TSPAN15: variants seen among roughly 807,000 people sequenced by gnomAD.
TSPAN15 encodes tetraspanin 15.
In TSPAN15, 20 loss-of-function variants were observed where a neutral mutation model predicts 34.5. The observed-to-expected ratio is 0.58, with a 90% confidence interval of 0.41 to 0.84. TSPAN15 has a LOEUF of 0.84. Among genes scored for constraint, TSPAN15 ranks in the 40% least tolerant of loss-of-function variants. The pLI, the probability that TSPAN15 is intolerant of heterozygous loss-of-function variation, is 0.00. For missense variants in TSPAN15, 313 were observed against 386.1 expected, an observed-to-expected ratio of 0.81 and a Z score of 1.59; for synonymous variants, 155 against 153.9, an observed-to-expected ratio of 1.01 and a Z score of -0.05.
rs1470186175 is a variant in TSPAN15, at chr10:69,485,289, G to T, written c.357+74G>T. The T allele has an allele frequency of 5.5e-6, 7 of 1,270,246 alleles. No individual in the cohort carries two copies. The Middle Eastern group carries it at 9.6e-4, about 174-fold the overall frequency. 78.7% of individuals were successfully genotyped at this position (1,270,246 alleles called of 1,614,324 possible). A position where few individuals can be genotyped will look rare whatever the true frequency, so the allele number is the denominator to read the frequency against. On this transcript the variant is annotated intron_variant, in intron 3 of 7. Transcript: ENST00000373290. ...TGTGGGTGCCTTGGGCTAACTGGGG[G>T]TATGGCAGTGAGCAGGGCAGATAAC... is the stretch of plus-strand genomic sequence containing the variant.
chr10:69,509,913 C>T (rs1564619899), downstream of TSPAN15, among the ~76,000 whole-genome samples: 1 of 152,020 alleles, frequency 6.6e-6, no homozygotes, highest in African/African-American at 2.4e-5. Flanking sequence ...ATTTCTGAGG[C>T]CTCTGTTCTG....
chr10:69,496,327 A>AATAATAATAATG (rs1491118300), intron 4 of TSPAN15, among the ~76,000 whole-genome samples: 5 of 50,798 alleles, frequency 9.8e-5, no homozygotes, highest in African/African-American at 3.9e-4. Flanking sequence ...GTGCAATAAT[A>AATAATAATAATG]ATAATAATAA....
At chr10:69,466,478 A>G (rs779651354) in intron 1 of TSPAN15, among the ~76,000 whole-genome samples, 4 of 152,196 alleles carry the variant, frequency 2.6e-5, no homozygotes, top group African/African-American at 4.8e-5. Flanking sequence ...TGTGATGTGT[A>G]TTAAAAAAAT....
At chr10:69,493,862 ACCT>A (rs1240432698) in intron 3 of TSPAN15, among the ~76,000 whole-genome samples, 2 of 147,660 alleles carry the variant, frequency 1.4e-5, no homozygotes, top group Non-Finnish European at 3.0e-5. Flanking sequence ...TGATCTGCCC[ACCT>A]CGGCCTCCCA....
chr10:69,476,902 G>T (rs1217759310), intron 1 of TSPAN15, among the ~76,000 whole-genome samples: 1 of 152,116 alleles, frequency 6.6e-6, no homozygotes, highest in African/African-American at 2.4e-5. Context: ...GGTCCTGGAG[G>T]TGGGGCCGGT....
the TSPAN15 span, among the ~76,000 whole-genome samples, chr10:69,525,320 TAAAGA>T: frequency 6.8e-6 from 1 of 147,642 alleles, no homozygotes; most frequent in South Asian, 2.1e-4. Flanking sequence ...AACTCTTCAC[TAAAGA>T]AAATATATAG....
chr10:69,537,403 A>G, the TSPAN15 span, among the ~76,000 whole-genome samples: 2 of 152,208 alleles, frequency 1.3e-5, no homozygotes, highest in Non-Finnish European at 2.9e-5. Context: ...TAAGTCAGGT[A>G]CCATCTGTGC....
At chr10:69,474,553 TA>T (rs945108598) in intron 1 of TSPAN15, among the ~76,000 whole-genome samples, 6 of 151,958 alleles carry the variant, frequency 3.9e-5, no homozygotes, top group African/African-American at 1.5e-4. Flanking sequence ...TGGTGGCCTA[TA>T]GTTACGAGTG....
At chr10:69,468,219 G>A (rs1031123142) in intron 1 of TSPAN15, among the ~76,000 whole-genome samples, 6 of 152,040 alleles carry the variant, frequency 3.9e-5, no homozygotes, top group Non-Finnish European at 8.8e-5. Flanking sequence ...CACACACTGG[G>A]CCCTGTGTCA....
the TSPAN15 span, among the ~76,000 whole-genome samples, chr10:69,525,937 A>T: frequency 6.8e-6 from 1 of 147,618 alleles, no homozygotes. Context: ...AAAAGGAATA[A>T]AATAGACAAG....
Position 69,451,704 on chromosome 10 carries a change from G to A in TSPAN15, c.96+14G>A, listed in dbSNP as rs1328008414. The A allele has an allele frequency of 1.4e-6, 2 of 1,468,872 alleles. No homozygotes were observed. The highest frequency in any genetic ancestry group is 1.8e-6 in the Non-Finnish European group (2 of 1,102,606). 91.0% of individuals were successfully genotyped at this position (1,468,872 alleles called of 1,614,324 possible). On this transcript the variant is annotated intron_variant, in intron 1 of 7. Coordinates refer to ENST00000373290, the MANE Select transcript of TSPAN15 (RefSeq NM_012339.5). ...ACCGTGTTCTGGGTGAGTGACCCCA[G>A]TAGGGCCCGGGGATGGGGGTGGGGA...
At chr10:69,479,449 G>A (rs1841685263) in intron 1 of TSPAN15, among the ~76,000 whole-genome samples, 1 of 152,254 alleles carries the variant, frequency 6.6e-6, no homozygotes, top group Non-Finnish European at 1.5e-5. Flanking sequence ...CAAAGCCTGG[G>A]CTTTTGGGCT....
chr10:69,529,392 A>G, the TSPAN15 span, among the ~76,000 whole-genome samples: 20 of 145,740 alleles, frequency 1.4e-4, 1 homozygote, highest in Non-Finnish European at 2.6e-4. Context: ...ATTGCGCAGT[A>G]CATTTTAAAT....
At chr10:69,539,496 GAAGAAGAA>G in the TSPAN15 span, among the ~76,000 whole-genome samples, 6 of 73,110 alleles carry the variant, frequency 8.2e-5, no homozygotes, top group South Asian at 4.7e-4. Context: ...AGAAGAAGAA[GAAGAAGAA>G]GAAGAAGAAG....
At chr10:69,488,529 C>G (rs1294075685) in intron 3 of TSPAN15, among the ~76,000 whole-genome samples, 1 of 152,120 alleles carries the variant, frequency 6.6e-6, no homozygotes, top group Non-Finnish European at 1.5e-5. Context: ...AACCCACCCC[C>G]AATATTTCAC....
At position 69,483,885 on chromosome 10, in the gene TSPAN15, A is replaced by C; in HGVS notation, c.282+9A>C. 6.2e-7 allele frequency: 1 copy of C among 1,610,162 alleles called. No individual in the cohort carries two copies. The highest frequency in any genetic ancestry group is 8.5e-7 in the Non-Finnish European group (1 of 1,177,750). On this transcript the variant is annotated intron_variant, in intron 2 of 7. Transcript: ENST00000373290. Reference sequence around the variant, plus strand: ...TGTACCTTCTCCAAGCAGTGAGTGGACCACACCACCCCTCAGCCGGGACTC... The same window carrying C: ...TGTACCTTCTCCAAGCAGTGAGTGGCCCACACCACCCCTCAGCCGGGACTC...
chr10:69,493,100 C>G (rs1224394709), intron 3 of TSPAN15, among the ~76,000 whole-genome samples: 2 of 152,208 alleles, frequency 1.3e-5, no homozygotes, highest in Non-Finnish European at 2.9e-5. Flanking sequence ...TTAGGCACCC[C>G]CAACCACACC....
intron 1 of TSPAN15, among the ~76,000 whole-genome samples, chr10:69,467,018 C>T (rs1347948096): frequency 1.3e-5 from 2 of 152,204 alleles, no homozygotes; most frequent in Non-Finnish European, 2.9e-5. Context: ...CCGTTCCTGA[C>T]CTTTACCTCC....
chr10:69,471,497 AT>A (rs1402402544), intron 1 of TSPAN15, among the ~76,000 whole-genome samples: 1 of 152,118 alleles, frequency 6.6e-6, no homozygotes, highest in Admixed American at 6.5e-5. Flanking sequence ...TTTTGGGGGA[AT>A]TTTTTAAATG....
Sources: gnomAD v4.1 joint callset for allele counts (sites outside exome capture counted in the v4.1 genomes callset) on GRCh38, gnomAD v4.1.1 for gene constraint, MANE v1.5 for transcripts, NCBI Gene and HGNC (gene_info 2026-07-23, HGNC 2026-07-21) for gene names.